The following IGSF5 variants were observed in gnomAD, a reference collection of about 807,000 sequenced individuals.
IGSF5 encodes immunoglobulin superfamily member 5, also known as immunoglobulin superfamily 5 like.
Under a neutral mutation model 39.4 loss-of-function variants are expected in IGSF5, and 41 were observed. The observed-to-expected ratio is 1.04, with a 90% CI of 0.81 to 1.35. The LOEUF is 1.35. Among genes scored for constraint, IGSF5 ranks in the 40% most tolerant of loss-of-function variants. The pLI is 0.00. For synonymous variants in IGSF5, 183 were observed against 175.3 expected (o/e 1.04, Z -0.34); for missense variants, 487 against 494.6 (o/e 0.98, Z 0.15).
rs115139721 is a variant in IGSF5, at chr21:39,770,664, T to G, written c.419-252T>G. On this transcript the variant is annotated intron_variant, in intron 3 of 8. Transcript: ENST00000380588. The stretch of plus-strand genomic sequence containing the variant: ...TGGTTTCTGACTTTTATGAAGCATT[T>G]TCTATGTAACTTTGCTTTCTTGTGA... Among the ~76,000 whole-genome samples, 698 of 136,216 alleles carry G rather than the reference T, an allele frequency of 5.1e-3. 7 individuals carry two copies. Among genetic ancestry groups the G allele is most frequent in the African/African-American group, 0.017 (670 of 39,312 alleles). 89.4% of individuals were successfully genotyped at this position (136,216 alleles called of 152,430 possible).
Position 39,793,459 on chromosome 21 carries a change from T to C in IGSF5, c.1049-75T>C, listed in dbSNP as rs554932679. 362 of 1,157,908 alleles carry C rather than the reference T, an allele frequency of 3.1e-4. 2 individuals are homozygous for C. In the East Asian group the frequency reaches 8.5e-3, roughly 27 times the overall value. The allele number at this position is 1,157,908 out of a possible 1,614,324, so 71.7% of individuals were successfully genotyped here. ...CTACATAAAAGCAAATGTGTTTCTT[T>C]ATAAATCAGAATTGTTAGAGCACAC... On this transcript the variant is annotated intron_variant, in intron 7 of 8. Coordinates refer to ENST00000380588, the MANE Select transcript of IGSF5 (RefSeq NM_001080444.2).
chr21:39,799,318 C>T (rs545958312), intron 8 of IGSF5, among the ~76,000 whole-genome samples: 2 of 152,238 alleles, frequency 1.3e-5, no homozygotes, highest in African/African-American at 4.8e-5. Flanking sequence ...CTATAAATAC[C>T]GCTGCCTTGG....
chr21:39,757,046 C>CA (rs530515372), intron 2 of IGSF5, among the ~76,000 whole-genome samples: 2 of 151,734 alleles, frequency 1.3e-5, no homozygotes. Flanking sequence ...GCACAGTCCC[C>CA]CCGAGAGCCT....
rs908390195 is a variant in IGSF5 at position 39,745,315 on chromosome 21, C to T, written c.-195C>T. The T allele has an allele frequency of 6.0e-6, 3 of 496,374 alleles. No individual in the cohort carries two copies. The highest frequency in any genetic ancestry group is 1.1e-5 in the Non-Finnish European group (3 of 275,082). The allele number at this position is 496,374 out of a possible 1,614,324, so 30.7% of individuals were successfully genotyped here. On this transcript the variant is annotated 5_prime_UTR_variant, in exon 1 of 9. Coordinates refer to ENST00000380588, the MANE Select transcript of IGSF5 (RefSeq NM_001080444.2). Reference sequence around the variant, plus strand: ...AGGAGGGACGCCAGGGATAAGACTCCCTGGGCTATAGCCTAGGTGCCTGAG... The same window carrying T: ...AGGAGGGACGCCAGGGATAAGACTCTCTGGGCTATAGCCTAGGTGCCTGAG...
chr21:39,736,826 G>C, the IGSF5 span, among the ~76,000 whole-genome samples: 13 of 152,200 alleles, frequency 8.5e-5, no homozygotes, highest in Non-Finnish European at 1.8e-4. Context: ...GGCTGAGGCC[G>C]GGCATCTTGG....
chr21:39,727,436 C>T, the IGSF5 span, among the ~76,000 whole-genome samples: 9 of 152,180 alleles, frequency 5.9e-5, no homozygotes, highest in East Asian at 3.9e-4. Context: ...AGGAGATTGT[C>T]GGTGGCTTCT....
chr21:39,757,954 A>G (rs947200693), intron 2 of IGSF5, among the ~76,000 whole-genome samples: 2 of 152,090 alleles, frequency 1.3e-5, no homozygotes, highest in East Asian at 1.9e-4. Flanking sequence ...CCACGGGCAC[A>G]CACCAGCTGC....
At chr21:39,758,663 C>G (rs1204752387) in intron 2 of IGSF5, among the ~76,000 whole-genome samples, 3 of 152,152 alleles carry the variant, frequency 2.0e-5, no homozygotes, top group Admixed American at 6.5e-5. Flanking sequence ...TGTGCAAGGC[C>G]TGGGTCTCCT....
chr21:39,798,800 G>C (rs1023910544), intron 8 of IGSF5, among the ~76,000 whole-genome samples: 2 of 152,230 alleles, frequency 1.3e-5, no homozygotes, highest in Non-Finnish European at 2.9e-5. Context: ...CATGCCAAAG[G>C]CACACACTGC....
At chr21:39,792,497 G>T (rs1396252071) in intron 7 of IGSF5, among the ~76,000 whole-genome samples, 1 of 152,072 alleles carries the variant, frequency 6.6e-6, no homozygotes, top group Non-Finnish European at 1.5e-5. Context: ...CATGCACGTT[G>T]TGCACATGTA....
the IGSF5 span, among the ~76,000 whole-genome samples, chr21:39,727,007 C>T: frequency 6.6e-6 from 1 of 152,162 alleles, no homozygotes; most frequent in Non-Finnish European, 1.5e-5. Flanking sequence ...GGGTTGGCCT[C>T]GAGGGTGGCC....
chr21:39,795,546 T>C (rs1245035539), intron 8 of IGSF5, among the ~76,000 whole-genome samples: 1 of 151,072 alleles, frequency 6.6e-6, no homozygotes, highest in African/African-American at 2.4e-5. Flanking sequence ...AAAATACATC[T>C]AGTATGAATG....
chr21:39,774,908 A>C (rs4816657), intron 4 of IGSF5, among the ~76,000 whole-genome samples: 119,170 of 152,102 alleles, frequency 0.78, 46,814 homozygotes, highest in Admixed American at 0.84. Context: ...AAGTCAGCAA[A>C]CTTCAGGGCT....
At chr21:39,783,182 T>C (rs1420041105) in intron 5 of IGSF5, among the ~76,000 whole-genome samples, 1 of 152,182 alleles carries the variant, frequency 6.6e-6, no homozygotes, top group Non-Finnish European at 1.5e-5. Context: ...CTGCAATAAA[T>C]GTGGGGGTGC....
chr21:39,748,404 G>A (rs1168543756), intron 2 of IGSF5, among the ~76,000 whole-genome samples: 2 of 131,502 alleles, frequency 1.5e-5, no homozygotes, highest in Non-Finnish European at 3.1e-5. Flanking sequence ...TCCACCTCCT[G>A]GGTTCAAACA....
chr21:39,751,719 T>C (rs8130850), intron 2 of IGSF5, among the ~76,000 whole-genome samples: 16,759 of 152,214 alleles, frequency 0.11, 3,027 homozygotes, highest in African/African-American at 0.38. Context: ...ATGGAGATAT[T>C]GTGCAGTGGG....
chr21:39,783,064 T>G (rs1395443411), intron 5 of IGSF5, among the ~76,000 whole-genome samples: 1 of 152,236 alleles, frequency 6.6e-6, no homozygotes, highest in Admixed American at 6.5e-5. Context: ...TCATTCTGTT[T>G]TACGGTGGAA....
chr21:39,735,070 G>C, the IGSF5 span, among the ~76,000 whole-genome samples: 72 of 152,040 alleles, frequency 4.7e-4, no homozygotes, highest in African/African-American at 1.7e-3. Context: ...CAGTATGTTG[G>C]CCAGGCTGGT....
chr21:39,720,471 T>C, the IGSF5 span, among the ~76,000 whole-genome samples: 1 of 152,162 alleles, frequency 6.6e-6, no homozygotes, highest in Non-Finnish European at 1.5e-5. Flanking sequence ...ATTTCCCCCA[T>C]AATTAACATC....
Sources: gnomAD v4.1 joint callset for allele counts (sites outside exome capture counted in the v4.1 genomes callset) on GRCh38, gnomAD v4.1.1 for gene constraint, MANE v1.5 for transcripts, NCBI Gene and HGNC (gene_info 2026-07-23, HGNC 2026-07-21) for gene names.